The following PIK3C2G variants were observed in gnomAD, a reference collection of about 807,000 sequenced individuals.
The protein encoded by PIK3C2G is phosphatidylinositol-4-phosphate 3-kinase catalytic subunit type 2 gamma, also known as phosphatidylinositol 3-kinase C2 domain-containing subunit gamma.
Under a neutral mutation model 181.1 loss-of-function variants are expected in PIK3C2G, and 168 were observed. The ratio of observed to expected loss-of-function variants is 0.93; its 90% CI spans 0.82 to 1.05. The LOEUF is 1.05. Among genes scored for constraint, PIK3C2G ranks in the 50% least tolerant of loss-of-function variants. The probability of loss-of-function intolerance (pLI) is 0.00; values close to 1 mark genes in which losing one functional copy is unlikely to be tolerated. For synonymous variants in PIK3C2G, 573 were observed against 592.2 expected (o/e 0.97, Z 0.47); for missense variants, 1,869 against 1,732.8 (o/e 1.08, Z -1.40).
chr12:18,293,172 C>T (rs901663190), intron 4 of PIK3C2G, among the ~76,000 whole-genome samples: 4 of 152,018 alleles, frequency 2.6e-5, no homozygotes, highest in East Asian at 1.9e-4. Context: ...TTACTGGCCA[C>T]GTTTGTCTAT....
the PIK3C2G span, among the ~76,000 whole-genome samples, chr12:18,703,465 C>G: frequency 1.3e-5 from 2 of 152,260 alleles, no homozygotes; most frequent in East Asian, 3.9e-4. Context: ...TGTTTTTCTT[C>G]GATGGTGCAT....
chr12:18,358,715 C>A, intron 11 of PIK3C2G: 1 of 457,020 alleles, frequency 2.2e-6, no homozygotes. Context: ...GAAAGAGCTT[C>A]AGCCTTGATT....
At chr12:18,692,955 T>G in the PIK3C2G span, 3 of 1,474,844 alleles carry the variant, frequency 2.0e-6, no homozygotes, top group Non-Finnish European at 2.8e-6. Context: ...TCAGTGCCAG[T>G]TAAAATTACT....
the PIK3C2G span, among the ~76,000 whole-genome samples, chr12:18,708,184 C>T: frequency 6.6e-6 from 1 of 152,190 alleles, no homozygotes; most frequent in African/African-American, 2.4e-5. Context: ...CCTCCCCACA[C>T]CTCGTTCCTG....
chr12:18,547,824 G>A (rs1010370410), intron 26 of PIK3C2G, among the ~76,000 whole-genome samples: 1 of 151,926 alleles, frequency 6.6e-6, no homozygotes, highest in Admixed American at 6.6e-5. Context: ...ATTGATGTTC[G>A]ACTGTGGCCA....
chr12:18,505,259 T>C, intron 23 of PIK3C2G, 33 bp from the exon 24 acceptor site: 1 of 1,540,260 alleles, frequency 6.5e-7, no homozygotes, highest in Non-Finnish European at 8.8e-7. Context: ...TTTTTTGTTG[T>C]TATTTTTGCA....
intron 18 of PIK3C2G, among the ~76,000 whole-genome samples, chr12:18,459,508 T>A (rs1394643065): frequency 6.6e-6 from 1 of 152,220 alleles, no homozygotes; most frequent in African/African-American, 2.4e-5. Flanking sequence ...TGCTTATACA[T>A]CAATCCCTGT....
chr12:18,545,991 A>G (rs1283134754), intron 25 of PIK3C2G, among the ~76,000 whole-genome samples: 1 of 151,962 alleles, frequency 6.6e-6, no homozygotes, highest in African/African-American at 2.4e-5. Flanking sequence ...AATCACATAG[A>G]TTTTAAATGA....
the PIK3C2G span, among the ~76,000 whole-genome samples, chr12:18,726,795 A>G: frequency 3.9e-5 from 6 of 152,210 alleles, no homozygotes; most frequent in East Asian, 1.9e-4. Flanking sequence ...CACTAAAAAT[A>G]AAGCCTAAGT....
At chr12:18,314,200 C>G in intron 6 of PIK3C2G, 136 bp downstream of exon 6, 1 of 582,394 alleles carries the variant, frequency 1.7e-6, no homozygotes, top group Non-Finnish European at 3.0e-6. Context: ...TTCATTGAAA[C>G]ATGATGAAAT....
At chr12:18,436,808 A>G (rs1946473695) in intron 18 of PIK3C2G, among the ~76,000 whole-genome samples, 1 of 152,012 alleles carries the variant, frequency 6.6e-6, no homozygotes, top group African/African-American at 2.4e-5. Context: ...GTTCTGAATA[A>G]GGGTTTTTGA....
At chr12:18,332,820 G>A (rs1031083140) in intron 8 of PIK3C2G, among the ~76,000 whole-genome samples, 10 of 152,170 alleles carry the variant, frequency 6.6e-5, no homozygotes, top group Non-Finnish European at 1.0e-4. Context: ...TGGACAGAGC[G>A]CCGTAACTGT....
intron 18 of PIK3C2G, among the ~76,000 whole-genome samples, chr12:18,436,757 T>C (rs886664664): frequency 4.6e-5 from 7 of 151,972 alleles, no homozygotes; most frequent in Admixed American, 1.3e-4. Context: ...CTCTCTGGAA[T>C]TGGGTGAAGT....
chr12:18,706,355 A>C, the PIK3C2G span, among the ~76,000 whole-genome samples: 1 of 152,342 alleles, frequency 6.6e-6, no homozygotes, highest in South Asian at 2.1e-4. Flanking sequence ...TTTTATTGTT[A>C]ATATACAAAT....
chr12:18,287,026 T>C, intron 3 of PIK3C2G, 97 bp downstream of exon 3: 1 of 497,916 alleles, frequency 2.0e-6, no homozygotes, highest in Non-Finnish European at 3.4e-6. Flanking sequence ...CATATAAAAG[T>C]CAAAGTCATG....
At chr12:18,654,271 T>C in the PIK3C2G span, among the ~76,000 whole-genome samples, 5 of 142,022 alleles carry the variant, frequency 3.5e-5, no homozygotes. Flanking sequence ...GTTATTGCCA[T>C]TTCCAAAAGA....
At chr12:18,434,149 C>T (rs572184753) in intron 18 of PIK3C2G, among the ~76,000 whole-genome samples, 2 of 152,190 alleles carry the variant, frequency 1.3e-5, no homozygotes, top group Non-Finnish European at 2.9e-5. Flanking sequence ...TTGAACACTG[C>T]ATCTTCCAGA....
In PIK3C2G at chr12:18,282,386, G is replaced by T. The variant is rs1257556188; in HGVS notation, c.305G>T (p.Ser102Ile). The T allele has an allele frequency of 1.2e-6, 2 of 1,613,558 alleles. No homozygotes were observed. The highest frequency in any genetic ancestry group is 3.3e-5 in the Admixed American group (2 of 59,984). ...CGTGAACTCTCCTGGCATCAAGTTA[G>T]CAAAGCACCAGCAATTGGTTTTAGT... The part of the protein sequence containing the change: ...KSRELSWHQV[S>I]KAPAIGFSPS... Residue 102 changes from serine to isoleucine, a missense_variant, in exon 2 of 33, where the codon AGC becomes ATC. Transcript: ENST00000538779.
At chr12:18,477,098 G>T (rs756470227) in intron 18 of PIK3C2G, among the ~76,000 whole-genome samples, 1 of 151,990 alleles carries the variant, frequency 6.6e-6, no homozygotes, top group Non-Finnish European at 1.5e-5. Context: ...CTCTGTGTGC[G>T]TGTGCTCTCC....
Sources: allele counts gnomAD v4.1 joint callset (sites outside exome capture counted in the v4.1 genomes callset), GRCh38; gene constraint gnomAD v4.1.1; transcripts MANE v1.5; gene names NCBI Gene and HGNC (gene_info 2026-07-23, HGNC 2026-07-21).